Variants in ZFP28 observed in about 807,000 individuals in gnomAD.
ZFP28 encodes the protein zinc finger protein 28 homolog.
ZFP28 carries 31 observed loss-of-function variants against 39.5 expected under a neutral mutation model. That is an observed-to-expected ratio of 0.79 (90% confidence interval 0.59 to 1.06). The LOEUF is 1.06. ZFP28 is among the 50% of genes least tolerant of loss of function. The pLI is 0.00. For missense variants in ZFP28, 925 were observed against 1,048.4 expected, an observed-to-expected ratio of 0.88 and a Z score of 1.63; for synonymous variants, 400 against 378.6, an observed-to-expected ratio of 1.06 and a Z score of -0.66.
In ZFP28 at chr19:56,555,039, A is replaced by G; in HGVS notation, c.2254A>G (p.Thr752Ala). ...SSLICHRRSH[T>A]GEKPYECSVC... ...CCTTATTTGTCATCGCAGAAGTCAT[A>G]CTGGAGAAAAACCTTATGAATGCAG... Residue 752 changes from threonine (T) to alanine (A), a missense_variant, in exon 8 of 8, where the codon ACT becomes GCT. Physicochemically the swap from Thr to Ala is moderately conservative, Grantham distance 58. Coordinates refer to ENST00000301318, the MANE Select transcript of ZFP28 (RefSeq NM_020828.2). 6.2e-7 allele frequency: 1 copy of G among 1,614,150 alleles called. No homozygotes were observed. Among genetic ancestry groups the G allele is most frequent in the Non-Finnish European group, 8.5e-7 (1 of 1,180,020 alleles).
At position 56,554,935 on chromosome 19, in the gene ZFP28, C is replaced by T. The variant is rs1281834916; in HGVS notation, c.2150C>T (p.Thr717Ile). The T allele has an allele frequency of 1.2e-6, 2 of 1,614,162 alleles. No homozygotes were observed. Among genetic ancestry groups the T allele is most frequent in the Non-Finnish European group, 1.7e-6 (2 of 1,180,032 alleles). Reference sequence around the variant, plus strand: ...GCCTTTGGTGATAACTCATCCTGTACTCAACATCAAAGACTGCACACTGGC... The same window carrying T: ...GCCTTTGGTGATAACTCATCCTGTATTCAACATCAAAGACTGCACACTGGC... ...GKAFGDNSSC[T>I]QHQRLHTGQR... The change falls in exon 8 of 8, where the codon ACT becomes ATT. Residue 717 changes from threonine (T) to isoleucine (I), a missense_variant. Physicochemically the swap from Thr to Ile is moderately conservative, Grantham distance 89. Transcript: ENST00000301318. The surrounding 1 kb of genome is among the most constrained non-coding windows in gnomAD (Gnocchi z 6.7).
chr19:56,551,103 C>T, intron 7 of ZFP28: 2 of 1,039,240 alleles, frequency 1.9e-6, no homozygotes, highest in Non-Finnish European at 2.3e-6. Context: ...TTATGGATAG[C>T]TTGCATGAAG....
At chr19:56,550,677 T>C (rs751982464) in intron 7 of ZFP28, 72 bp downstream of exon 7, 7 of 1,607,118 alleles carry the variant, frequency 4.4e-6, no homozygotes, top group South Asian at 1.1e-5. Flanking sequence ...AAAGGCTGCA[T>C]CCTCACTAAT....
Position 56,553,985 on chromosome 19 carries a change from T to A in ZFP28, c.1200T>A (p.Asn400Lys). The change falls in exon 8 of 8, where the codon AAT becomes AAA. Residue 400 changes from asparagine (N) to lysine (K), a missense_variant. By Grantham distance (94) the Asn-to-Lys change is moderately conservative. Coordinates refer to ENST00000301318, the MANE Select transcript of ZFP28 (RefSeq NM_020828.2). ...EKVHNRDSIK[N>K]FQKSSVVIKQ... ...TTCATAATCGTGATTCAATTAAAAA[T>A]TTTCAAAAAAGTTCAGTGGTAATAA... The A allele has an allele frequency of 1.2e-6, 2 of 1,609,752 alleles. No homozygotes were observed. Among genetic ancestry groups the A allele is most frequent in the Non-Finnish European group, 1.7e-6 (2 of 1,178,966 alleles).
rs574292550 is a variant in ZFP28, at chr19:56,555,533, T to C, written c.*141T>C. 3.4e-5 allele frequency: 41 copies of C among 1,214,382 alleles called. No individual in the cohort carries two copies. In the African/African-American group the frequency reaches 3.6e-4, roughly 11 times the overall value. 75.2% of individuals were successfully genotyped at this position (1,214,382 alleles called of 1,614,324 possible). A position where few individuals can be genotyped will look rare whatever the true frequency, so the allele number is the denominator to read the frequency against. On this transcript the variant is annotated 3_prime_UTR_variant, in exon 8 of 8. Coordinates refer to ENST00000301318, the MANE Select transcript of ZFP28 (RefSeq NM_020828.2). ...TTATTCACTCCTCTTGTAAAACTTA[T>C]AGTTTCTTTAAATTGGTTAATGTGT... is the stretch of plus-strand genomic sequence containing the variant.
In ZFP28 at chr19:56,550,153, G is replaced by A; in HGVS notation, c.774G>A (p.Trp258Ter). Residue 258 changes from tryptophan to a stop codon, truncating the protein, a stop_gained, in exon 6 of 8, where the codon TGG becomes TGA. Coordinates refer to ENST00000301318, the MANE Select transcript of ZFP28 (RefSeq NM_020828.2). LOFTEE classifies it high-confidence loss of function. ...AGAATTTCTGTAAGAATGGGATATG[G>A]GAGAACAACAGTGACCTGGGATCAG... is the stretch of plus-strand genomic sequence containing the variant. ...AQKNFCKNGI[W>*]ENNSDLGSAG... 1 of 1,612,608 alleles carries A rather than the reference G, an allele frequency of 6.2e-7. No individual in the cohort carries two copies. Among genetic ancestry groups the A allele is most frequent in the Non-Finnish European group, 8.5e-7 (1 of 1,179,496 alleles).
chr19:56,543,181 GTAT>G, intron 2 of ZFP28, among the ~76,000 whole-genome samples: 1 of 151,488 alleles, frequency 6.6e-6, no homozygotes, highest in South Asian at 2.1e-4. Context: ...TCTTTTTAGT[GTAT>G]TTTTTCTATA....
In ZFP28 at chr19:56,556,748, T is replaced by G. The variant is rs1227049309; in HGVS notation, c.*1356T>G. On this transcript the variant is annotated 3_prime_UTR_variant, in exon 8 of 8. Transcript: ENST00000301318. Reference sequence around the variant, plus strand: ...ATCAATAGAGGTGAAAGGAAATTATTAAACTATATTGAAAAATAAAGATGT... The same window carrying G: ...ATCAATAGAGGTGAAAGGAAATTATGAAACTATATTGAAAAATAAAGATGT... 2 of 152,180 alleles carry G rather than the reference T, an allele frequency of 1.3e-5. No homozygotes were observed. Among genetic ancestry groups the G allele is most frequent in the African/African-American group, 4.8e-5 (2 of 41,446 alleles). 9.4% of individuals were successfully genotyped at this position (152,180 alleles called of 1,614,324 possible). A position where few individuals can be genotyped will look rare whatever the true frequency, so the allele number is the denominator to read the frequency against.
chr19:56,541,850 C>G (rs2044197857), intron 2 of ZFP28, among the ~76,000 whole-genome samples: 1 of 150,088 alleles, frequency 6.7e-6, no homozygotes, highest in Admixed American at 6.6e-5. Flanking sequence ...CTTCCTCAGC[C>G]TCCCGAGTAG....
chr19:56,541,583 A>C (rs1245433018), intron 2 of ZFP28, among the ~76,000 whole-genome samples: 1 of 152,076 alleles, frequency 6.6e-6, no homozygotes. Context: ...ACCAGGCCCT[A>C]CATGACCTGG....
chr19:56,554,050 G>A lies in ZFP28; in HGVS notation c.1265G>A (p.Cys422Tyr), dbSNP rs761985155. The A allele has an allele frequency of 8.7e-6, 14 of 1,614,162 alleles. No individual in the cohort carries two copies. The highest frequency in any genetic ancestry group is 6.6e-5 in the South Asian group (6 of 91,060). ...GIYAGKKLFK[C>Y]NECKKTFTQS... ...TATGCAGGAAAAAAGCTTTTCAAGT[G>A]TAATGAATGTAAGAAAACTTTTACC... Residue 422 changes from cysteine to tyrosine, a missense_variant, in exon 8 of 8, where the codon TGT becomes TAT. Cys to Tyr is a radical substitution (Grantham distance 194). Coordinates refer to ENST00000301318, the MANE Select transcript of ZFP28 (RefSeq NM_020828.2). The surrounding 1 kb of genome is among the most constrained non-coding windows in gnomAD (Gnocchi z 6.7).
At chr19:56,541,072 C>T (rs542657657) in intron 2 of ZFP28, among the ~76,000 whole-genome samples, 3 of 152,294 alleles carry the variant, frequency 2.0e-5, no homozygotes, top group Non-Finnish European at 4.4e-5. Flanking sequence ...TGAGCCCAAA[C>T]CTCTCCTCTG....
intron 2 of ZFP28, chr19:56,546,856 G>T (rs949283917): frequency 6.6e-6 from 1 of 152,612 alleles, no homozygotes. Context: ...GATGTCAGGG[G>T]TTTTTCTTGT....
rs1325350434 is a variant in ZFP28 at position 56,555,804 on chromosome 19, C to T, written c.*412C>T. 1.8e-5 allele frequency: 3 copies of T among 164,072 alleles called. No individual in the cohort carries two copies. Among genetic ancestry groups the T allele is most frequent in the Non-Finnish European group, 3.9e-5 (3 of 76,422 alleles). 10.2% of individuals were successfully genotyped at this position (164,072 alleles called of 1,614,324 possible). ...AATGCCAAGTTAGTTTTGTGGCTTT[C>T]CATCTGACCCTATGTGAATGTAAGG... On this transcript the variant is annotated 3_prime_UTR_variant, in exon 8 of 8. Transcript: ENST00000301318.
At chr19:56,551,159 ATGT>A (rs2044298484) in intron 7 of ZFP28, 24 of 995,736 alleles carry the variant, frequency 2.4e-5, no homozygotes, top group Non-Finnish European at 2.8e-5. Context: ...GACAAAGGAG[ATGT>A]TGTTCCCAGT....
At chr19:56,538,914 G>A (rs2044164021), upstream of ZFP28, 1 of 1,065,894 alleles carries the variant, frequency 9.4e-7, no homozygotes, top group Non-Finnish European at 1.2e-6. Flanking sequence ...CCGGGCCATG[G>A]GGGAGCGCGC....
upstream of ZFP28, among the ~76,000 whole-genome samples, chr19:56,537,025 G>C (rs917407): frequency 0.26 from 34,401 of 132,820 alleles, 3,502 homozygotes; most frequent in Non-Finnish European, 0.28. Context: ...TAGGGAGAAG[G>C]GGGGTGGTTG....
At position 56,553,746 on chromosome 19, in the gene ZFP28, G is replaced by C. The variant is rs748441085; in HGVS notation, c.961G>C (p.Val321Leu). 3 of 1,614,076 alleles carry C rather than the reference G, an allele frequency of 1.9e-6. No individual in the cohort carries two copies. The East Asian group carries it at 6.7e-5, about 36-fold the overall frequency. ...FPKQDSYAEG[V>L]TDRTSNTKLD... ...AAAGCAAGATTCATATGCTGAAGGGGTAACAGACAGAACCTCAAACACTAA... is the reference window on the plus strand; with the variant it reads ...AAAGCAAGATTCATATGCTGAAGGGCTAACAGACAGAACCTCAAACACTAA... The change falls in exon 8 of 8, where the codon GTA becomes CTA. Residue 321 changes from valine (V) to leucine (L), a missense_variant. Val to Leu is a conservative substitution (Grantham distance 32). Around this residue, in one of 2 missense-constraint regions of ZFP28, gnomAD observed 556 missense variants for 542.9 expected, o/e 1.02. Coordinates refer to ENST00000301318, the MANE Select transcript of ZFP28 (RefSeq NM_020828.2).
At chr19:56,538,111 A>C (rs1031301484), upstream of ZFP28, 4 of 152,258 alleles carry the variant, frequency 2.6e-5, no homozygotes, top group African/African-American at 7.2e-5. Context: ...CAGGACGTGC[A>C]AATACATAGG....
Sources: allele counts gnomAD v4.1 joint callset (sites outside exome capture counted in the v4.1 genomes callset), GRCh38; gene constraint gnomAD v4.1.1; regional missense constraint gnomAD v4.1.1; non-coding constraint Gnocchi (gnomAD v3.1); transcripts MANE v1.5; gene names NCBI Gene and HGNC (gene_info 2026-07-23, HGNC 2026-07-21).